ZNF804A: variants seen among roughly 807,000 people sequenced by gnomAD.
The protein encoded by ZNF804A is zinc finger protein 804A.
In ZNF804A, 2 loss-of-function variants were observed where a neutral mutation model predicts 16.5. That is an observed-to-expected ratio of 0.12 (90% CI 0.05 to 0.38). The LOEUF is 0.38. Among genes scored for constraint, ZNF804A ranks in the 10% least tolerant of loss-of-function variants. The pLI is 0.99. For missense variants in ZNF804A, 1,473 were observed against 1,390.7 expected (o/e 1.06, Z -0.94); for synonymous variants, 534 against 489.6 (o/e 1.09, Z -1.20).
intron 1 of ZNF804A, among the ~76,000 whole-genome samples, chr2:184,692,844 T>G (rs1203395708): frequency 6.6e-6 from 1 of 152,186 alleles, no homozygotes; most frequent in African/African-American, 2.4e-5. Context: ...TCCTGACTAT[T>G]ACAGATATAA....
chr2:184,702,219 T>C (rs1472497756), intron 1 of ZNF804A, among the ~76,000 whole-genome samples: 1 of 152,082 alleles, frequency 6.6e-6, no homozygotes, highest in African/African-American at 2.4e-5. Context: ...CACAACCCTT[T>C]ATCTATGATC....
At chr2:184,608,702 C>T (rs1691191016) in intron 1 of ZNF804A, among the ~76,000 whole-genome samples, 1 of 152,216 alleles carries the variant, frequency 6.6e-6, no homozygotes, top group Non-Finnish European at 1.5e-5. Context: ...TTTTTCCTTT[C>T]TCAGATATGA....
intron 1 of ZNF804A, among the ~76,000 whole-genome samples, chr2:184,742,292 G>A (rs537685648): frequency 4.0e-5 from 6 of 151,898 alleles, no homozygotes; most frequent in African/African-American, 1.2e-4. Flanking sequence ...CTGTGTAAGT[G>A]TTTCAATTAC....
At chr2:184,920,419 T>G (rs979691669) in intron 2 of ZNF804A, among the ~76,000 whole-genome samples, 1 of 152,198 alleles carries the variant, frequency 6.6e-6, no homozygotes, top group African/African-American at 2.4e-5. Context: ...CCCTGAGATA[T>G]CTGTTTGGGT....
In ZNF804A at chr2:184,621,468, G is replaced by T. The variant is rs190313974; in HGVS notation, c.111+22398G>T. ...AGAATTTGTGGATTTAATTTCTGCC[G>T]TATTGTTCCTGGATAATTACACTAT... On this transcript the variant is annotated intron_variant, in intron 1 of 3. Coordinates refer to ENST00000302277, the MANE Select transcript of ZNF804A (RefSeq NM_194250.2). Among the ~76,000 whole-genome samples the T allele has an allele frequency of 1.3e-4, 20 of 151,746 alleles. No homozygotes were observed. The East Asian group carries it at 1.5e-3, about 12-fold the overall frequency.
At chr2:184,803,846 CTTCTT>C (rs1302254122) in intron 1 of ZNF804A, among the ~76,000 whole-genome samples, 2 of 149,628 alleles carry the variant, frequency 1.3e-5, no homozygotes, top group African/African-American at 5.0e-5. Context: ...TTTATATCCT[CTTCTT>C]TTCTGTCTTT....
chr2:184,768,239 G>A (rs1210566667), intron 1 of ZNF804A, among the ~76,000 whole-genome samples: 1 of 152,054 alleles, frequency 6.6e-6, no homozygotes, highest in African/African-American at 2.4e-5. Flanking sequence ...GATGTGCATA[G>A]AGTGTATGCA....
chr2:184,743,555 C>T (rs1369276805), intron 1 of ZNF804A, among the ~76,000 whole-genome samples: 2 of 151,824 alleles, frequency 1.3e-5, no homozygotes, highest in Non-Finnish European at 2.9e-5. Context: ...AAGATAAAAT[C>T]ACAGAAACAA....
chr2:184,828,545 C>T (rs978208424), intron 1 of ZNF804A, among the ~76,000 whole-genome samples: 1 of 151,484 alleles, frequency 6.6e-6, no homozygotes, highest in African/African-American at 2.4e-5. Flanking sequence ...TATATACCTT[C>T]CCCCTCAATT....
At chr2:184,913,586 C>T (rs1055401534) in intron 2 of ZNF804A, among the ~76,000 whole-genome samples, 9 of 152,030 alleles carry the variant, frequency 5.9e-5, no homozygotes, top group Admixed American at 2.0e-4. Flanking sequence ...GGGATTGGGA[C>T]GAGGAGAAAA....
chr2:184,731,830 C>T (rs944335913), intron 1 of ZNF804A, among the ~76,000 whole-genome samples: 6 of 152,092 alleles, frequency 3.9e-5, no homozygotes, highest in Non-Finnish European at 7.4e-5. Flanking sequence ...CTGCCTCAGC[C>T]TTTCAAAAGT....
chr2:184,634,260 A>G (rs1415688873), intron 1 of ZNF804A, among the ~76,000 whole-genome samples: 1 of 152,220 alleles, frequency 6.6e-6, no homozygotes, highest in African/African-American at 2.4e-5. Context: ...ATTATCAACC[A>G]TACCCAAATT....
chr2:184,822,982 A>G (rs1695105315), intron 1 of ZNF804A, among the ~76,000 whole-genome samples: 1 of 152,170 alleles, frequency 6.6e-6, no homozygotes, highest in Non-Finnish European at 1.5e-5. Flanking sequence ...GAAGAGCCAA[A>G]TAAGACAAAT....
chr2:184,699,693 T>A (rs555249335), intron 1 of ZNF804A, among the ~76,000 whole-genome samples: 1 of 152,212 alleles, frequency 6.6e-6, no homozygotes, highest in African/African-American at 2.4e-5. Context: ...GCAACTAAAA[T>A]ACAAAATAGA....
chr2:184,712,577 A>G (rs149791449), intron 1 of ZNF804A, among the ~76,000 whole-genome samples: 2 of 151,606 alleles, frequency 1.3e-5, no homozygotes, highest in African/African-American at 4.8e-5. Context: ...CTCTCTCTGT[A>G]TTTGAGAAGT....
chr2:184,836,572 T>C (rs1695348391), intron 1 of ZNF804A, among the ~76,000 whole-genome samples: 2 of 152,028 alleles, frequency 1.3e-5, no homozygotes, highest in African/African-American at 4.8e-5. Context: ...AATATAAATA[T>C]CATAGAATTG....
intron 1 of ZNF804A, among the ~76,000 whole-genome samples, chr2:184,679,699 G>T (rs1397802144): frequency 6.6e-6 from 1 of 152,178 alleles, no homozygotes; most frequent in Admixed American, 6.5e-5. Context: ...TGACATGACA[G>T]CTCCCTATTG....
chr2:184,790,824 C>T (rs1694528869), intron 1 of ZNF804A, among the ~76,000 whole-genome samples: 4 of 151,996 alleles, frequency 2.6e-5, no homozygotes, highest in African/African-American at 7.2e-5. Flanking sequence ...AGGATGGTCT[C>T]GATCTCCTGA....
chr2:184,875,766 TAAAA>T (rs562501754), intron 2 of ZNF804A, among the ~76,000 whole-genome samples: 2 of 120,342 alleles, frequency 1.7e-5, no homozygotes, highest in Admixed American at 8.5e-5. Context: ...TCATTGACAT[TAAAA>T]AAAAAAAAAA....
Sources: gnomAD v4.1 joint callset for allele counts (sites outside exome capture counted in the v4.1 genomes callset) on GRCh38, gnomAD v4.1.1 for gene constraint, MANE v1.5 for transcripts, NCBI Gene and HGNC (gene_info 2026-07-23, HGNC 2026-07-21) for gene names.